RBM46: variants seen among roughly 807,000 people sequenced by gnomAD.
RBM46 encodes probable RNA-binding protein 46.
RBM46 carries 12 observed loss-of-function variants against 43.3 expected under a neutral mutation model. The ratio of observed to expected loss-of-function variants is 0.28; its 90% CI spans 0.18 to 0.45. The LOEUF (loss-of-function observed/expected upper bound fraction) is 0.45. RBM46 is among the 20% of genes least tolerant of loss of function. The pLI is 1.00. For missense variants in RBM46, 412 were observed against 639.1 expected (o/e 0.64, Z 3.83); for synonymous variants, 205 against 207.6 (o/e 0.99, Z 0.11).
chr4:154,801,685 C>T (rs1218059029), intron 4 of RBM46, among the ~76,000 whole-genome samples: 3 of 152,146 alleles, frequency 2.0e-5, no homozygotes, highest in East Asian at 1.9e-4. Context: ...ATTCTTACAA[C>T]ATAGCCATAT....
intron 1 of RBM46, among the ~76,000 whole-genome samples, chr4:154,796,537 C>T (rs1249224052): frequency 2.0e-5 from 3 of 152,046 alleles, no homozygotes; most frequent in Admixed American, 2.0e-4. Flanking sequence ...TCTAAAGGTA[C>T]TGCATAATTG....
At position 154,826,770 on chromosome 4, in the gene RBM46, C is replaced by A; in HGVS notation, c.1403-1098C>A. The A allele has an allele frequency of 2.3e-6, 3 of 1,331,436 alleles. No individual in the cohort carries two copies. In the South Asian group the frequency reaches 4.2e-5, roughly 19 times the overall value. 82.5% of individuals were successfully genotyped at this position (1,331,436 alleles called of 1,614,324 possible). On this transcript the variant is annotated intron_variant, in intron 4 of 4. Coordinates refer to ENST00000281722, the MANE Select transcript of RBM46 (RefSeq NM_144979.5). ...TTTTTTTTTTTTTCCTGAACTAGGT[C>A]CTTTCTGATGTTGCTTGAGCTTACT...
chr4:154,824,386 A>G (rs1253248487), intron 4 of RBM46, among the ~76,000 whole-genome samples: 2 of 152,140 alleles, frequency 1.3e-5, no homozygotes, highest in Non-Finnish European at 1.5e-5. Flanking sequence ...TATATCCACC[A>G]AAAGATTTGT....
intron 4 of RBM46, among the ~76,000 whole-genome samples, chr4:154,807,690 A>G (rs1045325561): frequency 6.6e-6 from 1 of 151,896 alleles, no homozygotes; most frequent in Non-Finnish European, 1.5e-5. Context: ...CCTTACCTCC[A>G]AGAATGGTTC....
chr4:154,792,613 G>T (rs1359843172), intron 1 of RBM46, among the ~76,000 whole-genome samples: 1 of 152,118 alleles, frequency 6.6e-6, no homozygotes, highest in African/African-American at 2.4e-5. Context: ...ACGCTGAAAT[G>T]GATTCTGTGA....
At chr4:154,801,596 T>C (rs947260350) in intron 4 of RBM46, among the ~76,000 whole-genome samples, 1 of 152,216 alleles carries the variant, frequency 6.6e-6, no homozygotes, top group Admixed American at 6.5e-5. Context: ...AAGATACTTG[T>C]GTCTGATCTA....
chr4:154,803,005 G>GA (rs34819699), intron 4 of RBM46, among the ~76,000 whole-genome samples: 1 of 150,324 alleles, frequency 6.7e-6, no homozygotes, highest in Non-Finnish European at 1.5e-5. Context: ...AAAAATAAAA[G>GA]AAAAAAAATT....
intron 4 of RBM46, among the ~76,000 whole-genome samples, chr4:154,807,572 T>G (rs372300243): frequency 6.6e-6 from 1 of 151,882 alleles, no homozygotes; most frequent in South Asian, 2.1e-4. Context: ...TCAGTGTTTC[T>G]TCCAGGCCTT....
chr4:154,825,771 C>T (rs897755802), intron 4 of RBM46, among the ~76,000 whole-genome samples: 2 of 152,176 alleles, frequency 1.3e-5, no homozygotes, highest in Admixed American at 6.5e-5. Context: ...CTGAAGATAA[C>T]CTTCTGTGTT....
At chr4:154,796,117 C>T (rs920396022) in intron 1 of RBM46, among the ~76,000 whole-genome samples, 2 of 152,134 alleles carry the variant, frequency 1.3e-5, no homozygotes, top group African/African-American at 4.8e-5. Flanking sequence ...GCAGGAGCCA[C>T]CTTCACACCA....
intron 4 of RBM46, among the ~76,000 whole-genome samples, chr4:154,799,936 T>G (rs1432222570): frequency 6.6e-6 from 1 of 152,014 alleles, no homozygotes; most frequent in Non-Finnish European, 1.5e-5. Flanking sequence ...ATTTTTTGGC[T>G]AATTTTTTGT....
chr4:154,795,122 A>C (rs925941120), intron 1 of RBM46, among the ~76,000 whole-genome samples: 3 of 152,222 alleles, frequency 2.0e-5, no homozygotes, highest in African/African-American at 7.2e-5. Flanking sequence ...TAGGAAATAC[A>C]TGTATAGTGC....
At chr4:154,826,739 C>CTTTTTTTTTTTTTTTTTTTTATTTTTTT (rs34828322) in intron 4 of RBM46, 1 of 835,478 alleles carries the variant, frequency 1.2e-6, no homozygotes. Context: ...TTCATTTTTC[C>CTTTTTTTTTTTTTTTTTTTTATTTTTTT]TTTTTTTTTT....
chr4:154,788,964 G>A (rs1274847554), intron 1 of RBM46, among the ~76,000 whole-genome samples: 1 of 151,866 alleles, frequency 6.6e-6, no homozygotes, highest in Non-Finnish European at 1.5e-5. Flanking sequence ...TGCTTCACAT[G>A]ATTTGGCTCT....
intron 4 of RBM46, among the ~76,000 whole-genome samples, chr4:154,818,381 C>G (rs908855136): frequency 3.3e-5 from 5 of 152,080 alleles, no homozygotes; most frequent in Non-Finnish European, 5.9e-5. Flanking sequence ...TTACTTCAGC[C>G]CTTTGCAGTA....
chr4:154,796,725 A>G lies in RBM46; in HGVS notation c.-11-17A>G. 1 of 1,553,542 alleles carries G rather than the reference A, an allele frequency of 6.4e-7. No individual in the cohort carries two copies. Among genetic ancestry groups the G allele is most frequent in the Non-Finnish European group, 8.8e-7 (1 of 1,139,870 alleles). ...TTCTGTTGTAAACTTAACCAGTGTT[A>G]TTAAACTTTATTTTAGGAACTGCAA... is the stretch of plus-strand genomic sequence containing the variant. On this transcript the variant is annotated splice_polypyrimidine_tract_variant and intron_variant, in intron 1 of 4. Transcript: ENST00000281722.
rs1322290101 is a variant in RBM46 at position 154,827,883 on chromosome 4, G to A, written c.1418G>A (p.Arg473His). 8 of 1,613,522 alleles carry A rather than the reference G, an allele frequency of 5.0e-6. No homozygotes were observed. The Admixed American group carries it at 5.0e-5, about 10-fold the overall frequency. Residue 473 changes from arginine (R) to histidine (H), a missense_variant, in exon 5 of 5, where the codon CGC becomes CAC. By Grantham distance (29) the Arg-to-His change is conservative. Around this residue, in one of 8 missense-constraint regions of RBM46, gnomAD observed 149 missense variants for 156.3 expected, o/e 0.95. Coordinates refer to ENST00000281722, the MANE Select transcript of RBM46 (RefSeq NM_144979.5). ...TLLHLDYNFH[R>H]SSINSLSPVS... ...TTATTTACAGACTACAATTTCCATC[G>A]CAGCTCAATAAATAGTCTTTCCCCT...
intron 4 of RBM46, among the ~76,000 whole-genome samples, chr4:154,802,224 A>T (rs1578918559): frequency 6.6e-6 from 1 of 152,282 alleles, no homozygotes; most frequent in East Asian, 1.9e-4. Flanking sequence ...AGAGGCAGGA[A>T]AATATATTTA....
intron 1 of RBM46, among the ~76,000 whole-genome samples, chr4:154,789,285 C>T (rs978891060): frequency 6.6e-6 from 1 of 152,060 alleles, no homozygotes; most frequent in Non-Finnish European, 1.5e-5. Context: ...CAGTGTTCGC[C>T]CATTCAGTAT....
Sources: gnomAD v4.1 joint callset for allele counts (sites outside exome capture counted in the v4.1 genomes callset) on GRCh38, gnomAD v4.1.1 for gene constraint, gnomAD v4.1.1 regional missense constraint, MANE v1.5 for transcripts, NCBI Gene and HGNC (gene_info 2026-07-23, HGNC 2026-07-21) for gene names.